NRG3: variants seen among roughly 807,000 people sequenced by gnomAD.
NRG3 encodes pro-neuregulin-3, membrane-bound isoform.
A neutral mutation model predicts 66.9 loss-of-function variants in NRG3; 31 were observed. The observed-to-expected ratio is 0.46, with a 90% CI of 0.35 to 0.63. The LOEUF is 0.63. NRG3 is among the 20% of genes least tolerant of loss of function. NRG3 has a pLI of 0.00. For missense variants in NRG3, 910 were observed against 878.9 expected (o/e 1.04, Z -0.45); for synonymous variants, 393 against 359.4 (o/e 1.09, Z -1.06).
At chr10:82,965,166 G>T (rs1473648144) in intron 6 of NRG3, among the ~76,000 whole-genome samples, 1 of 152,156 alleles carries the variant, frequency 6.6e-6, no homozygotes, top group African/African-American at 2.4e-5. Context: ...ATGAACTGGG[G>T]CATCTCCTTA....
At chr10:82,245,978 G>T (rs376190326) in intron 1 of NRG3, among the ~76,000 whole-genome samples, 28 of 103,280 alleles carry the variant, frequency 2.7e-4, no homozygotes, top group South Asian at 1.0e-3. Context: ...CAGTCTTCTG[G>T]TTTTTTTTTT....
intron 2 of NRG3, among the ~76,000 whole-genome samples, chr10:82,667,087 A>G (rs1431720515): frequency 2.6e-5 from 4 of 152,212 alleles, no homozygotes; most frequent in Non-Finnish European, 5.9e-5. Flanking sequence ...CCCTGCCTCT[A>G]CGTCCATTCT....
intron 2 of NRG3, among the ~76,000 whole-genome samples, chr10:82,600,501 C>T (rs534782609): frequency 6.6e-6 from 1 of 152,132 alleles, no homozygotes; most frequent in Admixed American, 6.6e-5. Context: ...GACGGAGTCT[C>T]GCTCTGTCAC....
intron 3 of NRG3, among the ~76,000 whole-genome samples, chr10:82,840,376 G>A (rs980458199): frequency 5.9e-5 from 9 of 151,664 alleles, no homozygotes; most frequent in Admixed American, 5.9e-4. Flanking sequence ...GTTTCCCATA[G>A]CACTTATCAC....
intron 2 of NRG3, among the ~76,000 whole-genome samples, chr10:82,512,159 C>T (rs947742356): frequency 6.6e-6 from 1 of 151,474 alleles, no homozygotes; most frequent in African/African-American, 2.4e-5. Flanking sequence ...ACATTTTGAG[C>T]TTATTATAAA....
chr10:82,375,651 G>C (rs1346464990), intron 2 of NRG3, among the ~76,000 whole-genome samples: 1 of 152,122 alleles, frequency 6.6e-6, no homozygotes, highest in Non-Finnish European at 1.5e-5. Flanking sequence ...ACTTTTCAAA[G>C]GGACGATTCT....
chr10:82,480,606 G>A (rs1429742226), intron 2 of NRG3, among the ~76,000 whole-genome samples: 1 of 152,048 alleles, frequency 6.6e-6, no homozygotes, highest in Non-Finnish European at 1.5e-5. Context: ...TTACATATTG[G>A]CATCTATTCA....
At chr10:82,772,704 CTTTTTTTTT>C (rs745609399) in intron 3 of NRG3, among the ~76,000 whole-genome samples, 4 of 111,730 alleles carry the variant, frequency 3.6e-5, no homozygotes, top group Non-Finnish European at 5.3e-5. Flanking sequence ...GCTTCCATAT[CTTTTTTTTT>C]TTTTTTTTTT....
rs1461604489 is a variant in NRG3, at chr10:82,102,141, T to TATATGTGTGTATTC, written c.823+225982_823+225983insGTGTGTATTCATAT. ...ATATATATATGTGTATTCATATATA[T>TATATGTGTGTATTC]ATATATATATATATATATATATATA... is the stretch of plus-strand genomic sequence containing the variant. On this transcript the variant is annotated intron_variant, in intron 1 of 8. Transcript: ENST00000372141. 2.5e-4 allele frequency among the ~76,000 whole-genome samples: 10 copies of TATATGTGTGTATTC among 39,264 alleles called. 1 individual carries two copies. The highest frequency in any genetic ancestry group is 1.3e-3 in the East Asian group (3 of 2,392). 25.8% of individuals were successfully genotyped at this position (39,264 alleles called of 152,430 possible).
chr10:82,836,737 AT>A (rs917087085), intron 3 of NRG3, among the ~76,000 whole-genome samples: 10 of 149,410 alleles, frequency 6.7e-5, no homozygotes, highest in South Asian at 2.1e-4. Context: ...ATTTTTTCTA[AT>A]TTTTTTTATT....
intron 1 of NRG3, among the ~76,000 whole-genome samples, chr10:82,156,198 C>T (rs913408934): frequency 5.3e-5 from 8 of 149,840 alleles, no homozygotes; most frequent in Admixed American, 4.0e-4. Flanking sequence ...AAAGCAAAAG[C>T]GATATCAAAA....
At chr10:82,019,392 A>T (rs1311536526) in intron 1 of NRG3, among the ~76,000 whole-genome samples, 1 of 152,160 alleles carries the variant, frequency 6.6e-6, no homozygotes, top group Non-Finnish European at 1.5e-5. Flanking sequence ...ATGATCTAAA[A>T]TTCTGTTTTG....
intron 1 of NRG3, among the ~76,000 whole-genome samples, chr10:82,125,377 A>T (rs185791455): frequency 7.2e-5 from 11 of 152,172 alleles, no homozygotes; most frequent in African/African-American, 2.6e-4. Context: ...ACATTATTTT[A>T]AATCATTCAG....
chr10:82,735,164 T>C (rs563503881), intron 2 of NRG3, among the ~76,000 whole-genome samples: 1 of 152,310 alleles, frequency 6.6e-6, no homozygotes, highest in African/African-American at 2.4e-5. Flanking sequence ...ACAATTACAA[T>C]GTCTCGGCTC....
chr10:82,034,309 T>G (rs916568448), intron 1 of NRG3, among the ~76,000 whole-genome samples: 9 of 147,022 alleles, frequency 6.1e-5, no homozygotes. Flanking sequence ...TTCCGAATCC[T>G]TATTTCAGAT....
At chr10:82,819,598 C>T (rs1278531449) in intron 3 of NRG3, among the ~76,000 whole-genome samples, 12 of 152,022 alleles carry the variant, frequency 7.9e-5, no homozygotes, top group Non-Finnish European at 1.6e-4. Context: ...AATATTTACC[C>T]AAGATTCTTA....
rs777711877 is a variant in NRG3 at position 82,138,666 on chromosome 10, C to T, written c.824-220073C>T. ...AGCAAGGAATTCAGTGGTGAATCAG[C>T]GCGAGTACCAAAACCTCAAAAGTAA... On this transcript the variant is annotated intron_variant, in intron 1 of 8. Transcript: ENST00000372141. Among the ~76,000 whole-genome samples, 5 of 152,230 alleles carry T rather than the reference C, an allele frequency of 3.3e-5. No homozygotes were observed. The South Asian group carries it at 6.2e-4, about 19-fold the overall frequency.
intron 1 of NRG3, among the ~76,000 whole-genome samples, chr10:82,105,110 T>A (rs2066980393): frequency 1.3e-5 from 2 of 152,276 alleles, no homozygotes; most frequent in South Asian, 4.1e-4. Flanking sequence ...AATATTTCAC[T>A]AGAAAAACGT....
At chr10:82,767,106 G>C (rs933558834) in intron 3 of NRG3, among the ~76,000 whole-genome samples, 30 of 151,038 alleles carry the variant, frequency 2.0e-4, no homozygotes, top group African/African-American at 7.3e-4. Context: ...ATGAAATTTT[G>C]ATTATATTTC....
Sources: allele counts gnomAD v4.1 joint callset (sites outside exome capture counted in the v4.1 genomes callset), GRCh38; gene constraint gnomAD v4.1.1; transcripts MANE v1.5; gene names NCBI Gene and HGNC (gene_info 2026-07-23, HGNC 2026-07-21).